The following GAP43 variants were observed in gnomAD, a reference collection of about 807,000 sequenced individuals.
GAP43 encodes the protein neuromodulin.
In GAP43, 6 loss-of-function variants were observed where a neutral mutation model predicts 18.6. The observed-to-expected ratio is 0.32, with a 90% CI of 0.18 to 0.64. The LOEUF (loss-of-function observed/expected upper bound fraction) is 0.64. Among genes scored for constraint, GAP43 ranks in the 30% least tolerant of loss-of-function variants. The pLI is 0.78. For missense variants in GAP43, 292 were observed against 295.5 expected, an observed-to-expected ratio of 0.99 and a Z score of 0.09; for synonymous variants, 115 against 111.4, an observed-to-expected ratio of 1.03 and a Z score of -0.20.
chr3:115,698,312 A>G (rs1366609325), intron 2 of GAP43, among the ~76,000 whole-genome samples: 1 of 87,788 alleles, frequency 1.1e-5, no homozygotes, highest in Non-Finnish European at 2.1e-5. Context: ...TATAAAATAT[A>G]TATAATATAT....
intron 2 of GAP43, among the ~76,000 whole-genome samples, chr3:115,711,796 A>AT (rs1407873999): frequency 1.9e-5 from 2 of 106,538 alleles, no homozygotes; most frequent in Non-Finnish European, 4.4e-5. Context: ...TGAGGGAGTG[A>AT]TTTTATTTGA....
intron 2 of GAP43, among the ~76,000 whole-genome samples, chr3:115,702,239 G>T (rs1341398634): frequency 6.6e-6 from 1 of 152,112 alleles, no homozygotes; most frequent in Non-Finnish European, 1.5e-5. Flanking sequence ...GATAAAGAAA[G>T]TAATATGCTT....
chr3:115,640,214 C>T (rs148088064), intron 1 of GAP43, among the ~76,000 whole-genome samples: 1 of 152,122 alleles, frequency 6.6e-6, no homozygotes, highest in East Asian at 1.9e-4. Context: ...AGATGAAGTA[C>T]ACTTTAGCTG....
intron 2 of GAP43, among the ~76,000 whole-genome samples, chr3:115,682,450 C>A (rs1375954608): frequency 6.6e-6 from 1 of 152,136 alleles, no homozygotes; most frequent in African/African-American, 2.4e-5. Context: ...TAGGTCTACC[C>A]CCCTTTGGCA....
In GAP43 at chr3:115,676,688, C is replaced by G. The variant is rs980114776; in HGVS notation, c.628+78C>G. 5 of 1,368,460 alleles carry G rather than the reference C, an allele frequency of 3.7e-6. No individual in the cohort carries two copies. In the African/African-American group the frequency reaches 7.3e-5, roughly 20 times the overall value. 84.8% of individuals were successfully genotyped at this position (1,368,460 alleles called of 1,614,324 possible). A position where few individuals can be genotyped will look rare whatever the true frequency, so the allele number is the denominator to read the frequency against. ...ATTCGGAAGACCAGGCCACCTGGGT[C>G]ATTGAGGGAGAGGAAAAAGTCTAGA... On this transcript the variant is annotated intron_variant, in intron 2 of 2. Coordinates refer to ENST00000305124, the MANE Select transcript of GAP43 (RefSeq NM_002045.4).
chr3:115,710,369 G>A (rs1344857591), intron 2 of GAP43, among the ~76,000 whole-genome samples: 1 of 151,990 alleles, frequency 6.6e-6, no homozygotes, highest in Non-Finnish European at 1.5e-5. Context: ...TTTGTTTGGA[G>A]ATAATTTAGA....
intron 1 of GAP43, among the ~76,000 whole-genome samples, chr3:115,628,015 G>A (rs1202329518): frequency 6.6e-6 from 1 of 152,076 alleles, no homozygotes; most frequent in Non-Finnish European, 1.5e-5. Context: ...TGAACACTTT[G>A]CTTACCTTAA....
At chr3:115,704,375 C>T (rs1709334600) in intron 2 of GAP43, among the ~76,000 whole-genome samples, 1 of 151,950 alleles carries the variant, frequency 6.6e-6, no homozygotes. Context: ...ACTCTTATGC[C>T]ATTTTGCCTA....
chr3:115,662,803 A>G (rs1708681153), intron 1 of GAP43, among the ~76,000 whole-genome samples: 1 of 152,242 alleles, frequency 6.6e-6, no homozygotes, highest in South Asian at 2.1e-4. Flanking sequence ...AGTGTTGTAT[A>G]TGTCAAGTAG....
chr3:115,694,983 G>C (rs1043112010), intron 2 of GAP43, among the ~76,000 whole-genome samples: 3 of 152,200 alleles, frequency 2.0e-5, no homozygotes, highest in Non-Finnish European at 2.9e-5. Flanking sequence ...TAGTGCAGAA[G>C]TGTTAGTTGA....
At chr3:115,624,154 A>C (rs949245997) in intron 1 of GAP43, among the ~76,000 whole-genome samples, 1 of 152,178 alleles carries the variant, frequency 6.6e-6, no homozygotes, top group Non-Finnish European at 1.5e-5. Context: ...TCTCTGTCAT[A>C]CAATTTTCTC....
intron 2 of GAP43, among the ~76,000 whole-genome samples, chr3:115,693,793 C>T (rs1472262890): frequency 4.2e-4 from 17 of 40,490 alleles, no homozygotes; most frequent in African/African-American, 1.1e-3. Context: ...GGGGCTGGGG[C>T]GGGGCGGGGC....
At chr3:115,668,720 A>C (rs1485352509) in intron 1 of GAP43, among the ~76,000 whole-genome samples, 1 of 151,998 alleles carries the variant, frequency 6.6e-6, no homozygotes, top group Non-Finnish European at 1.5e-5. Flanking sequence ...CACAGCACCC[A>C]GCCACTTTCA....
intron 2 of GAP43, among the ~76,000 whole-genome samples, chr3:115,679,291 T>TA (rs1354111381): frequency 2.9e-4 from 44 of 152,340 alleles, no homozygotes; most frequent in Middle Eastern, 3.4e-3. Context: ...CTTTAATACC[T>TA]ATGGAAATGT....
intron 2 of GAP43, among the ~76,000 whole-genome samples, chr3:115,717,002 G>A (rs1335863060): frequency 6.6e-6 from 1 of 151,628 alleles, no homozygotes; most frequent in South Asian, 2.1e-4. Context: ...TGATATAATC[G>A]GAAAAACTGA....
chr3:115,628,370 T>C (rs1052805054), intron 1 of GAP43, among the ~76,000 whole-genome samples: 6 of 152,214 alleles, frequency 3.9e-5, no homozygotes, highest in African/African-American at 1.4e-4. Flanking sequence ...GATTCTCTCC[T>C]GACTCTATGT....
intron 1 of GAP43, among the ~76,000 whole-genome samples, chr3:115,632,468 G>T (rs1708272047): frequency 6.6e-6 from 1 of 151,784 alleles, no homozygotes; most frequent in Non-Finnish European, 1.5e-5. Flanking sequence ...AATCTTTTGA[G>T]CCCTCAAGAT....
intron 2 of GAP43, among the ~76,000 whole-genome samples, chr3:115,712,774 A>C (rs1232621401): frequency 6.6e-6 from 1 of 152,192 alleles, no homozygotes; most frequent in African/African-American, 2.4e-5. Context: ...CCTAAACTTG[A>C]GGGAAAAAGT....
chr3:115,714,491 A>G (rs1439808740), intron 2 of GAP43, among the ~76,000 whole-genome samples: 6 of 152,160 alleles, frequency 3.9e-5, no homozygotes, highest in African/African-American at 1.4e-4. Flanking sequence ...TGGCACAGCA[A>G]GAGTATTTAA....
Sources: gnomAD v4.1 joint callset for allele counts (sites outside exome capture counted in the v4.1 genomes callset) on GRCh38, gnomAD v4.1.1 for gene constraint, MANE v1.5 for transcripts, NCBI Gene and HGNC (gene_info 2026-07-23, HGNC 2026-07-21) for gene names.